SDC3: variants seen among roughly 807,000 people sequenced by gnomAD.
The protein encoded by SDC3 is syndecan 3.
Under a neutral mutation model 24.4 loss-of-function variants are expected in SDC3, and 13 were observed. That is an observed-to-expected ratio of 0.53 (90% CI 0.35 to 0.85). The LOEUF (loss-of-function observed/expected upper bound fraction) is 0.85. SDC3 is among the 40% of genes least tolerant of loss of function. SDC3 has a pLI of 0.01. For missense variants in SDC3, 571 were observed against 584.5 expected, an observed-to-expected ratio of 0.98 and a Z score of 0.24; for synonymous variants, 295 against 260.9, an observed-to-expected ratio of 1.13 and a Z score of -1.26.
chr1:30,898,418 T>C (rs1478764004), intron 1 of SDC3, among the ~76,000 whole-genome samples: 1 of 152,158 alleles, frequency 6.6e-6, no homozygotes, highest in Non-Finnish European at 1.5e-5. Context: ...GGGACCAAGC[T>C]GAGCCCCCTG....
chr1:30,881,464 A>T (rs928578963), intron 1 of SDC3: 1 of 152,706 alleles, frequency 6.5e-6, no homozygotes, highest in Admixed American at 6.5e-5. Context: ...TGACTCAGAC[A>T]TGAACCTCAC....
At position 30,891,971 on chromosome 1, in the gene SDC3, G is replaced by A. The variant is rs1239715879; in HGVS notation, c.139-13231C>T. 3.3e-5 allele frequency among the ~76,000 whole-genome samples: 5 copies of A among 152,036 alleles called. No individual in the cohort carries two copies. In the East Asian group the frequency reaches 9.7e-4, roughly 29 times the overall value. On this transcript the variant is annotated intron_variant, in intron 1 of 4. Transcript: ENST00000339394. Reference sequence around the variant, plus strand: ...GCCAAGAACTCTACAAGGACCCCCTGCCCCTCAGCAATGGGGTGCAGGGAG... The same window carrying A: ...GCCAAGAACTCTACAAGGACCCCCTACCCCTCAGCAATGGGGTGCAGGGAG...
At chr1:30,909,263 G>C (rs1474980395), upstream of SDC3, among the ~76,000 whole-genome samples, 1 of 152,166 alleles carries the variant, frequency 6.6e-6, no homozygotes, top group Admixed American at 6.5e-5. Context: ...GGACACCCAG[G>C]GGCTGTGTGA....
In SDC3 at chr1:30,908,527, C is replaced by CCCGGCCCCGGCG. The variant is rs1033203306; in HGVS notation, c.48_59dup (p.Gly18_Ala21dup). ...CGCGGGCCCCGGGCCCGGCCGCGGC[C>CCCGGCCCCGGCG]CCGGCCCCGGCGCCGGCCCCGTGGG... On this transcript the variant is annotated inframe_insertion, in exon 1 of 5. Coordinates refer to ENST00000339394, the MANE Select transcript of SDC3 (RefSeq NM_014654.4). 18 of 965,730 alleles carry CCCGGCCCCGGCG rather than the reference C, an allele frequency of 1.9e-5. No individual in the cohort carries two copies. Among genetic ancestry groups the CCCGGCCCCGGCG allele is most frequent in the Non-Finnish European group, 2.1e-5 (17 of 817,758 alleles). 59.8% of individuals were successfully genotyped at this position (965,730 alleles called of 1,614,324 possible).
In SDC3 at chr1:30,908,624, GC is replaced by G; in HGVS notation, c.-39del. 1 of 845,952 alleles carries G rather than the reference GC, an allele frequency of 1.2e-6. No homozygotes were observed. Among genetic ancestry groups the G allele is most frequent in the Non-Finnish European group, 1.4e-6 (1 of 708,190 alleles). 52.4% of individuals were successfully genotyped at this position (845,952 alleles called of 1,614,324 possible). ...GGCGCGGGCGGCGGGCGGCGGGCGG[GC>G]GCCTTTGTTCCCGAGGCGCGGCGCG... is the stretch of plus-strand genomic sequence containing the variant. On this transcript the variant is annotated 5_prime_UTR_variant, in exon 1 of 5. Coordinates refer to ENST00000339394, the MANE Select transcript of SDC3 (RefSeq NM_014654.4).
Position 30,908,673 on chromosome 1 carries a change from C to G in SDC3, c.-87G>C, listed in dbSNP as rs907419458. The stretch of plus-strand genomic sequence containing the variant: ...GCGCGGGGCGGCTGCTTGGCGGCGG[C>G]GCGGCCCGGCGGCTGGACCGACGCG... On this transcript the variant is annotated 5_prime_UTR_variant, in exon 1 of 5. Transcript: ENST00000339394. 233 of 453,810 alleles carry G rather than the reference C, an allele frequency of 5.1e-4. No individual in the cohort carries two copies. The highest frequency in any genetic ancestry group is 4.6e-3 in the African/African-American group (212 of 46,512). The allele number at this position is 453,810 out of a possible 1,614,324, so 28.1% of individuals were successfully genotyped here.
chr1:30,903,123 C>G (rs1638447052), intron 1 of SDC3, among the ~76,000 whole-genome samples: 1 of 152,198 alleles, frequency 6.6e-6, no homozygotes, highest in Non-Finnish European at 1.5e-5. Context: ...CACCCCATCT[C>G]TAAGCCTCAA....
At chr1:30,898,934 A>G (rs1638344475) in intron 1 of SDC3, among the ~76,000 whole-genome samples, 2 of 152,200 alleles carry the variant, frequency 1.3e-5, no homozygotes, top group Admixed American at 6.5e-5. Context: ...AATAATTAAA[A>G]GTCATCACCC....
At chr1:30,905,167 C>T (rs558566494) in intron 1 of SDC3, among the ~76,000 whole-genome samples, 22 of 152,100 alleles carry the variant, frequency 1.4e-4, no homozygotes, top group Non-Finnish European at 3.1e-4. Flanking sequence ...ACTATCTCAT[C>T]CTGGAAACCC....
chr1:30,899,825 GAC>G (rs1408774991), intron 1 of SDC3, among the ~76,000 whole-genome samples: 3 of 152,118 alleles, frequency 2.0e-5, no homozygotes, highest in Non-Finnish European at 4.4e-5. Flanking sequence ...GACATGGCCA[GAC>G]AAGACATAGG....
intron 1 of SDC3, among the ~76,000 whole-genome samples, chr1:30,898,649 A>C (rs1290684934): frequency 6.6e-6 from 1 of 152,166 alleles, no homozygotes; most frequent in Non-Finnish European, 1.5e-5. Flanking sequence ...GAGACAAGCC[A>C]CGTGAAGGGA....
chr1:30,898,036 C>T (rs1278248986), intron 1 of SDC3, among the ~76,000 whole-genome samples: 1 of 151,402 alleles, frequency 6.6e-6, no homozygotes, highest in African/African-American at 2.4e-5. Context: ...AGCCAGTGAG[C>T]TCTTCCATGT....
chr1:30,876,941 T>C lies in SDC3; in HGVS notation c.481A>G (p.Thr161Ala), dbSNP rs979086283. The C allele has an allele frequency of 1.2e-6, 2 of 1,613,770 alleles. No individual in the cohort carries two copies. The highest frequency in any genetic ancestry group is 1.7e-6 in the Non-Finnish European group (2 of 1,179,944). Residue 161 changes from threonine (T) to alanine (A), a missense_variant, in exon 3 of 5, where the codon ACT (threonine) becomes GCT (alanine). Physicochemically the swap from Thr to Ala is moderately conservative, Grantham distance 58. This residue lies in a region of SDC3 where 497 missense variants were observed against 471.6 expected (regional missense o/e 1.05). Coordinates refer to ENST00000339394, the MANE Select transcript of SDC3 (RefSeq NM_014654.4). ...GTGGCAGCAGTGGTAGCCATGGTAG[T>C]GGAGACGGTGGTGGCTCTCTGGCTG... ...EPSQRATTVS[T>A]TMATTAATST...
chr1:30,882,940 TG>T (rs1192432058), intron 1 of SDC3, among the ~76,000 whole-genome samples: 1 of 152,094 alleles, frequency 6.6e-6, no homozygotes, highest in African/African-American at 2.4e-5. Context: ...AGCATTGCTG[TG>T]GGAAGGGGCT....
At position 30,873,314 on chromosome 1, in the gene SDC3, T is replaced by C. The variant is rs1427643109; in HGVS notation, c.1226A>G (p.Tyr409Cys). 6.2e-7 allele frequency: 1 copy of C among 1,612,240 alleles called. No homozygotes were observed. The highest frequency in any genetic ancestry group is 1.3e-5 in the African/African-American group (1 of 74,818). Residue 409 changes from tyrosine (Y) to cysteine (C), a missense_variant, in exon 5 of 5, where the codon TAT becomes TGT. Tyr to Cys is a radical substitution (Grantham distance 194, BLOSUM62 -2). Coordinates refer to ENST00000339394, the MANE Select transcript of SDC3 (RefSeq NM_014654.4). ...FAAFLVTLLIYRMKKKDEGSY... is the reference protein window; with the variant it reads ...FAAFLVTLLICRMKKKDEGSY... Reference sequence around the variant, plus strand: ...GCCCTCATCCTTTTTCTTCATACGATAGATGAGCAGTGTGACCAAGAAGGC... The same window carrying C: ...GCCCTCATCCTTTTTCTTCATACGACAGATGAGCAGTGTGACCAAGAAGGC...
At chr1:30,894,936 C>A (rs777376885) in intron 1 of SDC3, among the ~76,000 whole-genome samples, 6 of 151,882 alleles carry the variant, frequency 4.0e-5, no homozygotes, top group Non-Finnish European at 8.8e-5. Flanking sequence ...GTGCACATGG[C>A]AGTGTATGTG....
At position 30,874,557 on chromosome 1, in the gene SDC3, A is replaced by G. The variant is rs758722676; in HGVS notation, c.902T>C (p.Ile301Thr). The part of the protein sequence containing the change: ...TPTPETFLTT[I>T]RDEPEVPVSG... Reference sequence around the variant, plus strand: ...CACCGGAACCTCTGGCTCATCCCGGATTGTGGTCAGGAAGGTCTCTGGAGT... The same window carrying G: ...CACCGGAACCTCTGGCTCATCCCGGGTTGTGGTCAGGAAGGTCTCTGGAGT... The change falls in exon 4 of 5, where the codon ATC becomes ACC. Residue 301 changes from isoleucine to threonine, a missense_variant. Physicochemically the swap from Ile to Thr is moderately conservative, Grantham distance 89. This residue lies in a region of SDC3 where 497 missense variants were observed against 471.6 expected (regional missense o/e 1.05). Transcript: ENST00000339394. The G allele has an allele frequency of 6.2e-7, 1 of 1,614,016 alleles. No homozygotes were observed. The highest frequency in any genetic ancestry group is 1.1e-5 in the South Asian group (1 of 91,068).
chr1:30,874,638 C>T (rs751827034), intron 3 of SDC3, 50 bp from the exon 4 acceptor site: 1 of 1,542,270 alleles, frequency 6.5e-7, no homozygotes, highest in Admixed American at 1.7e-5. Context: ...GCATGCATAA[C>T]CCCCCACCAC....
At chr1:30,886,123 A>G (rs1347358648) in intron 1 of SDC3, among the ~76,000 whole-genome samples, 1 of 108,642 alleles carries the variant, frequency 9.2e-6, no homozygotes, top group East Asian at 2.7e-4. Flanking sequence ...GCCCACCCCC[A>G]TACTCCTCCC....
Sources: gnomAD v4.1 joint callset for allele counts (sites outside exome capture counted in the v4.1 genomes callset) on GRCh38, gnomAD v4.1.1 for gene constraint, gnomAD v4.1.1 regional missense constraint, MANE v1.5 for transcripts, NCBI Gene and HGNC (gene_info 2026-07-23, HGNC 2026-07-21) for gene names.